TRHDE: variants seen among roughly 807,000 people sequenced by gnomAD.
TRHDE encodes thyrotropin releasing hormone degrading enzyme.
TRHDE carries 72 observed loss-of-function variants against 125.7 expected under a neutral mutation model. The observed-to-expected ratio is 0.57, with a 90% CI of 0.47 to 0.70. The LOEUF (loss-of-function observed/expected upper bound fraction) is 0.70. TRHDE is among the 30% of genes least tolerant of loss of function. The probability of loss-of-function intolerance (pLI) is 0.00; values close to 1 mark genes in which losing one functional copy is unlikely to be tolerated. For missense variants in TRHDE, 1,110 were observed against 1,327.1 expected (o/e 0.84, Z 2.54); for synonymous variants, 509 against 509.1 (o/e 1.00, Z 0.00).
chr12:72,349,810 T>C (rs2135739012), intron 2 of TRHDE, among the ~76,000 whole-genome samples: 1 of 152,156 alleles, frequency 6.6e-6, no homozygotes, highest in South Asian at 2.1e-4. Flanking sequence ...TGTTATTTCC[T>C]AAATATATAA....
chr12:72,148,948 A>T (rs541675020), intron 2 of TRHDE, among the ~76,000 whole-genome samples: 3 of 152,308 alleles, frequency 2.0e-5, no homozygotes, highest in African/African-American at 7.2e-5. Flanking sequence ...GACAGTGTGT[A>T]TGCTCAAACG....
chr12:72,252,430 T>C (rs1878705456), intron 2 of TRHDE, among the ~76,000 whole-genome samples: 1 of 151,772 alleles, frequency 6.6e-6, no homozygotes, highest in Non-Finnish European at 1.5e-5. Flanking sequence ...CACAAATCGA[T>C]TGGAAAACAA....
intron 2 of TRHDE, among the ~76,000 whole-genome samples, chr12:72,244,890 T>C (rs1011106133): frequency 6.6e-6 from 1 of 152,134 alleles, no homozygotes; most frequent in African/African-American, 2.4e-5. Flanking sequence ...CACGATTCTA[T>C]TTTTAAATGT....
At chr12:72,426,495 T>A (rs924371341) in intron 3 of TRHDE, among the ~76,000 whole-genome samples, 1 of 152,142 alleles carries the variant, frequency 6.6e-6, no homozygotes. Context: ...TCTACATGTA[T>A]CTACTCCATT....
intron 15 of TRHDE, among the ~76,000 whole-genome samples, chr12:72,629,539 G>C (rs1873392386): frequency 6.6e-6 from 1 of 151,648 alleles, no homozygotes; most frequent in African/African-American, 2.4e-5. Context: ...TACAGTACAA[G>C]TGCTCAGTGA....
chr12:72,469,254 G>A (rs1592468364), intron 3 of TRHDE, among the ~76,000 whole-genome samples: 1 of 152,020 alleles, frequency 6.6e-6, no homozygotes, highest in East Asian at 1.9e-4. Flanking sequence ...TATATTTCAT[G>A]TAACATATTT....
At chr12:72,302,667 A>G (rs902865283) in intron 2 of TRHDE, among the ~76,000 whole-genome samples, 3 of 152,094 alleles carry the variant, frequency 2.0e-5, no homozygotes, top group Admixed American at 2.0e-4. Flanking sequence ...GGCAGAGGCT[A>G]TGATTGAATG....
At chr12:72,417,649 C>A (rs1212559289) in intron 3 of TRHDE, among the ~76,000 whole-genome samples, 4 of 151,894 alleles carry the variant, frequency 2.6e-5, no homozygotes, top group Non-Finnish European at 5.9e-5. Flanking sequence ...ACAGATTTTT[C>A]CCCCAAATCA....
Position 72,566,014 on chromosome 12 carries a change from G to A in TRHDE, c.2043-2554G>A, listed in dbSNP as rs115327738. ...GTCTTGGATTTCTTTACAACATAGA[G>A]GGCTTTTCACTAAACTATGTTTAGG... On this transcript the variant is annotated intron_variant, in intron 9 of 18. Coordinates refer to ENST00000261180, the MANE Select transcript of TRHDE (RefSeq NM_013381.3). Among the ~76,000 whole-genome samples, 213 of 151,910 alleles carry A rather than the reference G, an allele frequency of 1.4e-3. 1 individual carries two copies. The highest frequency in any genetic ancestry group is 4.8e-3 in the African/African-American group (200 of 41,440).
intron 5 of TRHDE, among the ~76,000 whole-genome samples, chr12:72,499,014 G>T (rs956067550): frequency 6.6e-6 from 1 of 151,696 alleles, no homozygotes; most frequent in Non-Finnish European, 1.5e-5. Context: ...GTGTGAAGGG[G>T]ACAGGAAGGG....
chr12:72,468,948 G>A (rs1047231945), intron 3 of TRHDE, among the ~76,000 whole-genome samples: 3 of 152,098 alleles, frequency 2.0e-5, no homozygotes, highest in Non-Finnish European at 4.4e-5. Context: ...GGAGTACATC[G>A]AAGCATGAAC....
intron 2 of TRHDE, among the ~76,000 whole-genome samples, chr12:72,350,385 C>T (rs1368347354): frequency 6.6e-6 from 1 of 151,906 alleles, no homozygotes; most frequent in Non-Finnish European, 1.5e-5. Flanking sequence ...TGCAAGCCAT[C>T]TACGTATTAT....
intron 15 of TRHDE, among the ~76,000 whole-genome samples, chr12:72,641,781 A>G (rs1874072453): frequency 6.6e-6 from 1 of 152,048 alleles, no homozygotes; most frequent in Non-Finnish European, 1.5e-5. Context: ...AATAACTAAA[A>G]TACCAATTCA....
chr12:72,169,078 A>G (rs989531377), intron 2 of TRHDE, among the ~76,000 whole-genome samples: 5 of 152,122 alleles, frequency 3.3e-5, no homozygotes, highest in Admixed American at 6.5e-5. Context: ...TCCTTGAAAT[A>G]GGAGAACAGA....
intron 2 of TRHDE, among the ~76,000 whole-genome samples, chr12:72,187,310 A>AACACACACACACACAC (rs59164233): frequency 1.1e-4 from 14 of 131,332 alleles, no homozygotes; most frequent in South Asian, 2.7e-4. Flanking sequence ...AGAGAAACAC[A>AACACACACACACACAC]ACACACACAC....
intron 3 of TRHDE, among the ~76,000 whole-genome samples, chr12:72,437,714 A>G (rs1874807947): frequency 6.6e-6 from 1 of 151,852 alleles, no homozygotes; most frequent in South Asian, 2.1e-4. Context: ...ATTTTGAAAT[A>G]TATATAGTGG....
At chr12:72,392,840 C>T (rs887072972) in intron 3 of TRHDE, among the ~76,000 whole-genome samples, 1 of 152,110 alleles carries the variant, frequency 6.6e-6, no homozygotes, top group Admixed American at 6.5e-5. Context: ...TCAAACTAAA[C>T]TGGCACATTT....
chr12:72,116,871 A>G (rs1254678707), intron 2 of TRHDE, among the ~76,000 whole-genome samples: 3 of 151,870 alleles, frequency 2.0e-5, no homozygotes, highest in Non-Finnish European at 4.4e-5. Flanking sequence ...CTTTTGTTGC[A>G]ATTGCTTTTG....
intron 15 of TRHDE, among the ~76,000 whole-genome samples, chr12:72,631,471 A>G (rs978882918): frequency 6.6e-6 from 1 of 151,930 alleles, no homozygotes; most frequent in African/African-American, 2.4e-5. Context: ...ATTTAATTAT[A>G]TCAGTATTCC....
Sources: allele counts gnomAD v4.1 joint callset (sites outside exome capture counted in the v4.1 genomes callset), GRCh38; gene constraint gnomAD v4.1.1; transcripts MANE v1.5; gene names NCBI Gene and HGNC (gene_info 2026-07-23, HGNC 2026-07-21).